Variants in RORB observed in about 807,000 individuals in gnomAD.
RORB encodes RAR related orphan receptor B.
Under a neutral mutation model 59.1 loss-of-function variants are expected in RORB, and 6 were observed. That is an observed-to-expected ratio of 0.10 (90% CI 0.06 to 0.20). RORB has a LOEUF of 0.20. Among genes scored for constraint, RORB ranks in the 10% least tolerant of loss-of-function variants. RORB has a pLI of 1.00. For synonymous variants in RORB, 215 were observed against 204.5 expected (o/e 1.05, Z -0.44); for missense variants, 320 against 560.5 (o/e 0.57, Z 4.33).
chr9:74,602,916 A>G (rs1484443046), intron 1 of RORB, among the ~76,000 whole-genome samples: 3 of 152,190 alleles, frequency 2.0e-5, no homozygotes, highest in African/African-American at 4.8e-5. Context: ...CTCTCCCAAA[A>G]TAACAAGCAA....
At chr9:74,627,296 T>A (rs1823536064) in intron 1 of RORB, among the ~76,000 whole-genome samples, 1 of 152,232 alleles carries the variant, frequency 6.6e-6, no homozygotes, top group African/African-American at 2.4e-5. Flanking sequence ...TCGGATGATT[T>A]ATTATATTGC....
chr9:74,667,765 A>G, intron 7 of RORB, 26 bp from the exon 8 acceptor site: 1 of 1,416,066 alleles, frequency 7.1e-7, no homozygotes, highest in Non-Finnish European at 1.0e-6. Flanking sequence ...AAGTATTTTT[A>G]TTCCATTTTT....
intron 1 of RORB, among the ~76,000 whole-genome samples, chr9:74,518,781 G>A (rs1174129417): frequency 6.6e-6 from 1 of 151,962 alleles, no homozygotes; most frequent in Non-Finnish European, 1.5e-5. Flanking sequence ...GATATAAGAT[G>A]TGCCGCTGGG....
chr9:74,600,748 G>C (rs1823042408), intron 1 of RORB, among the ~76,000 whole-genome samples: 1 of 152,148 alleles, frequency 6.6e-6, no homozygotes, highest in African/African-American at 2.4e-5. Context: ...TATTTTATCA[G>C]TACATCTTCT....
chr9:74,604,110 T>G (rs1823113152), intron 1 of RORB, among the ~76,000 whole-genome samples: 1 of 152,222 alleles, frequency 6.6e-6, no homozygotes, highest in Non-Finnish European at 1.5e-5. Flanking sequence ...AATGTCCTAT[T>G]ATTTTCTAAA....
At chr9:74,624,603 T>A (rs1563956506) in intron 1 of RORB, among the ~76,000 whole-genome samples, 1 of 152,240 alleles carries the variant, frequency 6.6e-6, no homozygotes, top group Non-Finnish European at 1.5e-5. Flanking sequence ...CAGAGATACC[T>A]GCTGCATCAC....
At chr9:74,506,661 T>A (rs1009047632) in intron 1 of RORB, among the ~76,000 whole-genome samples, 2 of 152,084 alleles carry the variant, frequency 1.3e-5, no homozygotes, top group Admixed American at 1.3e-4. Context: ...TAAACTCACA[T>A]AAGCAAATGC....
At chr9:74,520,290 G>A (rs1040599454) in intron 1 of RORB, among the ~76,000 whole-genome samples, 1 of 151,798 alleles carries the variant, frequency 6.6e-6, no homozygotes, top group African/African-American at 2.4e-5. Context: ...ATATAAAGTT[G>A]TTAATGTAAA....
intron 1 of RORB, among the ~76,000 whole-genome samples, chr9:74,525,893 T>G (rs1455071370): frequency 6.6e-6 from 1 of 151,950 alleles, no homozygotes; most frequent in Non-Finnish European, 1.5e-5. Flanking sequence ...AATGCAAATT[T>G]ACTAGAGTTA....
chr9:74,552,742 G>A (rs947827939), intron 1 of RORB, among the ~76,000 whole-genome samples: 1 of 151,980 alleles, frequency 6.6e-6, no homozygotes, highest in Admixed American at 6.6e-5. Context: ...TAGGCTCTCA[G>A]TATAAGGCGG....
intron 1 of RORB, among the ~76,000 whole-genome samples, chr9:74,549,962 T>C (rs550910708): frequency 1.2e-4 from 19 of 152,168 alleles, no homozygotes; most frequent in Non-Finnish European, 2.5e-4. Flanking sequence ...ACTCCTGACC[T>C]CAGGTGATCT....
chr9:74,647,195 C>T (rs1823914261), intron 4 of RORB, among the ~76,000 whole-genome samples: 1 of 152,124 alleles, frequency 6.6e-6, no homozygotes, highest in Admixed American at 6.6e-5. Context: ...TAACATTTTG[C>T]AGTGGTTGGT....
chr9:74,622,843 G>C (rs2118391717), intron 1 of RORB, among the ~76,000 whole-genome samples: 1 of 152,128 alleles, frequency 6.6e-6, no homozygotes, highest in Admixed American at 6.5e-5. Context: ...GATTCTTATA[G>C]GCCCAGGGTA....
intron 1 of RORB, among the ~76,000 whole-genome samples, chr9:74,536,707 TTCC>T (rs1400757349): frequency 2.6e-5 from 4 of 151,980 alleles, no homozygotes; most frequent in African/African-American, 9.7e-5. Context: ...GTTAAATTGT[TTCC>T]ATAGCAAGAA....
chr9:74,498,299 C>A (rs1477029419), intron 1 of RORB: 1 of 413,962 alleles, frequency 2.4e-6, no homozygotes, highest in Non-Finnish European at 4.4e-6. Context: ...CGGAAGCGGA[C>A]GCGGGATGGA....
intron 4 of RORB, among the ~76,000 whole-genome samples, chr9:74,650,573 TTG>T (rs1181924901): frequency 1.3e-5 from 2 of 152,196 alleles, no homozygotes; most frequent in Non-Finnish European, 2.9e-5. Flanking sequence ...AAAACAATTT[TTG>T]TTTTATTTTA....
At chr9:74,677,615 A>C (rs1418058003) in intron 9 of RORB, among the ~76,000 whole-genome samples, 1 of 152,074 alleles carries the variant, frequency 6.6e-6, no homozygotes, top group Non-Finnish European at 1.5e-5. Flanking sequence ...GACGAGAGGG[A>C]GATTCACCTC....
intron 9 of RORB, among the ~76,000 whole-genome samples, chr9:74,684,582 G>A (rs866217541): frequency 6.6e-6 from 1 of 150,784 alleles, no homozygotes; most frequent in Non-Finnish European, 1.5e-5. Context: ...AGACCCATAC[G>A]GCATTTAAAT....
In RORB at chr9:74,497,545, ACTCCTCCTCCTGCTGCTGCCCTTCCTC is replaced by A. The variant is rs1825728906; in HGVS notation, c.-422_-396del. On this transcript the variant is annotated 5_prime_UTR_variant, in exon 1 of 10. Transcript: ENST00000376896. ...TTTGTAACTAACAAAACCACCACCA[ACTCCTCCTCCTGCTGCTGCCCTTCCTC>A]CTCCTCCTCAGTCCAAGTGATCACA... 4.9e-6 allele frequency: 1 copy of A among 205,510 alleles called. No individual in the cohort carries two copies. The highest frequency in any genetic ancestry group is 1.7e-4 in the South Asian group (1 of 5,968). The allele number at this position is 205,510 out of a possible 1,614,324, so 12.7% of individuals were successfully genotyped here. A position where few individuals can be genotyped will look rare whatever the true frequency, so the allele number is the denominator to read the frequency against.
Sources: gnomAD v4.1 joint callset for allele counts (sites outside exome capture counted in the v4.1 genomes callset) on GRCh38, gnomAD v4.1.1 for gene constraint, MANE v1.5 for transcripts, NCBI Gene and HGNC (gene_info 2026-07-23, HGNC 2026-07-21) for gene names.